KCNIP1: variants seen among roughly 807,000 people sequenced by gnomAD.
KCNIP1 encodes potassium voltage-gated channel interacting protein 1, also known as A-type potassium channel modulatory protein KCNIP1.
Under a neutral mutation model 33.0 loss-of-function variants are expected in KCNIP1, and 18 were observed. The ratio of observed to expected loss-of-function variants is 0.55; its 90% CI spans 0.38 to 0.81. KCNIP1 has a LOEUF of 0.81. Ranked by LOEUF, KCNIP1 falls within the 30% of genes least tolerant of loss-of-function variation. The pLI is 0.00. For synonymous variants in KCNIP1, 93 were observed against 98.3 expected, an observed-to-expected ratio of 0.95 and a Z score of 0.32; for missense variants, 238 against 271.6, an observed-to-expected ratio of 0.88 and a Z score of 0.87.
At chr5:170,638,998 G>C (rs1337701442) in intron 1 of KCNIP1, among the ~76,000 whole-genome samples, 1 of 152,226 alleles carries the variant, frequency 6.6e-6, no homozygotes. Flanking sequence ...CACACAAAGA[G>C]GAGGGCGAGC....
chr5:170,378,167 T>C (rs1307386335), intron 1 of KCNIP1: 1 of 152,510 alleles, frequency 6.6e-6, no homozygotes, highest in Non-Finnish European at 1.5e-5. Context: ...CAGCTGATTG[T>C]TGTTTGGCAT....
At chr5:170,648,137 T>G (rs1449093810) in intron 1 of KCNIP1, among the ~76,000 whole-genome samples, 2 of 152,074 alleles carry the variant, frequency 1.3e-5, no homozygotes, top group Admixed American at 1.3e-4. Context: ...AAAATGTAGG[T>G]GAGAATGTGG....
rs532633563 is a variant in KCNIP1 at position 170,516,956 on chromosome 5, GTGA to G, written c.61+12329_61+12331del. ...AATAATAATGATTTTGATAGTGGTG[GTGA>G]TGATGTTTGTGATGGTGGTGTGATG... On this transcript the variant is annotated intron_variant, in intron 1 of 7. Coordinates refer to ENST00000328939, the MANE Select transcript of KCNIP1 (RefSeq NM_014592.4). Among the ~76,000 whole-genome samples, 111 of 152,178 alleles carry G rather than the reference GTGA, an allele frequency of 7.3e-4. 1 individual carries two copies. The highest frequency in any genetic ancestry group is 1.1e-3 in the Non-Finnish European group (72 of 68,030).
intron 1 of KCNIP1, among the ~76,000 whole-genome samples, chr5:170,612,702 T>C (rs1759213290): frequency 6.6e-6 from 1 of 152,200 alleles, no homozygotes; most frequent in Non-Finnish European, 1.5e-5. Context: ...ATCGCCCTGC[T>C]CCAGCCTGAC....
intron 1 of KCNIP1, among the ~76,000 whole-genome samples, chr5:170,419,839 G>A (rs1755433747): frequency 6.6e-6 from 1 of 152,168 alleles, no homozygotes; most frequent in Non-Finnish European, 1.5e-5. Context: ...TATGCCCCCT[G>A]ACAGCTGGGG....
chr5:170,735,111 G>A (rs1311157122), intron 7 of KCNIP1, among the ~76,000 whole-genome samples: 3 of 152,152 alleles, frequency 2.0e-5, no homozygotes, highest in African/African-American at 7.2e-5. Context: ...TTCTGATATT[G>A]ATAATTTGAA....
intron 1 of KCNIP1, among the ~76,000 whole-genome samples, chr5:170,674,452 G>T (rs2113778344): frequency 1.3e-5 from 2 of 152,276 alleles, no homozygotes; most frequent in Admixed American, 1.3e-4. Context: ...ACAGGAACAT[G>T]GTGCAGTCAT....
rs546282090 is a variant in KCNIP1, at chr5:170,456,308, G to A, written c.88+102344G>A. On this transcript the variant is annotated intron_variant, in intron 1 of 7. Coordinates refer to the KCNIP1 transcript ENST00000377360. Reference sequence around the variant, plus strand: ...GGAACATCACACACCGGGGCCTGTCGGAGGGTGGGGGGCAAGTGGAGGGAG... The same window carrying A: ...GGAACATCACACACCGGGGCCTGTCAGAGGGTGGGGGGCAAGTGGAGGGAG... Among the ~76,000 whole-genome samples, 17 of 152,042 alleles carry A rather than the reference G, an allele frequency of 1.1e-4. No homozygotes were observed. The South Asian group carries it at 1.2e-3, about 11-fold the overall frequency.
chr5:170,708,598 A>C (rs1286326922), intron 1 of KCNIP1, among the ~76,000 whole-genome samples: 4 of 152,248 alleles, frequency 2.6e-5, no homozygotes, highest in African/African-American at 9.6e-5. Context: ...TTTTTGATAC[A>C]TGAGTTACTT....
chr5:170,586,295 C>T (rs1044623170), intron 1 of KCNIP1, among the ~76,000 whole-genome samples: 2 of 152,172 alleles, frequency 1.3e-5, no homozygotes, highest in African/African-American at 4.8e-5. Context: ...TTCTTTGTAA[C>T]CTTCCCAGTA....
rs571012421 is a variant in KCNIP1, at chr5:170,360,300, G to A, written c.88+6336G>A. Among the ~76,000 whole-genome samples the A allele has an allele frequency of 3.3e-5, 5 of 152,304 alleles. No homozygotes were observed. The South Asian group carries it at 1.0e-3, about 32-fold the overall frequency. On this transcript the variant is annotated intron_variant, in intron 1 of 7. Coordinates refer to the KCNIP1 transcript ENST00000377360. ...GTGGAAGGAAGCAGGATGCAGGGCG[G>A]GAAAACTCTGGACCCAGAGGGACCT...
At chr5:170,420,533 CAAAAAAA>C (rs201638118) in intron 1 of KCNIP1, 1 of 118,820 alleles carries the variant, frequency 8.4e-6, no homozygotes, top group South Asian at 2.7e-4. Context: ...AACTCCAACT[CAAAAAAA>C]AAAAAAATAA....
rs569080686 is a variant in KCNIP1, at chr5:170,728,763, A to G, written c.436-4037A>G. Reference sequence around the variant, plus strand: ...TAAATTTATTTTATTTTGAATCAAAATGGAAGTGTTATTTGGGAAGGAAAT... The same window carrying G: ...TAAATTTATTTTATTTTGAATCAAAGTGGAAGTGTTATTTGGGAAGGAAAT... On this transcript the variant is annotated intron_variant, in intron 5 of 7. Coordinates refer to ENST00000328939, the MANE Select transcript of KCNIP1 (RefSeq NM_014592.4). Among the ~76,000 whole-genome samples, 184 of 152,270 alleles carry G rather than the reference A, an allele frequency of 1.2e-3. 5 individuals are homozygous for G. The South Asian group carries it at 0.037, about 31-fold the overall frequency.
intron 1 of KCNIP1, among the ~76,000 whole-genome samples, chr5:170,364,870 G>A (rs750206013): frequency 4.6e-5 from 7 of 152,126 alleles, no homozygotes; most frequent in African/African-American, 9.7e-5. Flanking sequence ...GAACATATCC[G>A]TCTCTTTTCA....
At chr5:170,588,029 G>C (rs1758065024) in intron 1 of KCNIP1, among the ~76,000 whole-genome samples, 1 of 152,208 alleles carries the variant, frequency 6.6e-6, no homozygotes, top group Non-Finnish European at 1.5e-5. Context: ...GCTTTCATGG[G>C]TTAAGGACCT....
At chr5:170,598,055 T>C (rs1758528885) in intron 1 of KCNIP1, among the ~76,000 whole-genome samples, 1 of 152,126 alleles carries the variant, frequency 6.6e-6, no homozygotes, top group Non-Finnish European at 1.5e-5. Context: ...GTGACTTGTT[T>C]AGAACTACTT....
chr5:170,403,242 C>T (rs1195899625), intron 1 of KCNIP1, among the ~76,000 whole-genome samples: 4 of 152,162 alleles, frequency 2.6e-5, no homozygotes, highest in East Asian at 1.9e-4. Flanking sequence ...AGAAACTCCA[C>T]GTGGGCCAGA....
chr5:170,721,355 A>C (rs768691499), intron 3 of KCNIP1, among the ~76,000 whole-genome samples: 3 of 152,160 alleles, frequency 2.0e-5, no homozygotes, highest in Non-Finnish European at 4.4e-5. Context: ...CTTTTTAAAA[A>C]ATTTCAAGAG....
chr5:170,577,775 A>C (rs868235929), intron 1 of KCNIP1, among the ~76,000 whole-genome samples: 2 of 152,254 alleles, frequency 1.3e-5, no homozygotes, highest in Middle Eastern at 3.2e-3. Flanking sequence ...GAGCACATTT[A>C]TAAGAACAAA....
Sources: gnomAD v4.1 joint callset for allele counts (sites outside exome capture counted in the v4.1 genomes callset) on GRCh38, gnomAD v4.1.1 for gene constraint, MANE v1.5 for transcripts, NCBI Gene and HGNC (gene_info 2026-07-23, HGNC 2026-07-21) for gene names.